The following QSOX1 variants were observed in gnomAD, a reference collection of about 807,000 sequenced individuals.
QSOX1 encodes the protein sulfhydryl oxidase 1.
Under a neutral mutation model 76.1 loss-of-function variants are expected in QSOX1, and 40 were observed. The ratio of observed to expected loss-of-function variants is 0.53; its 90% CI spans 0.41 to 0.68. The LOEUF is 0.68. Ranked by LOEUF, QSOX1 falls within the 30% of genes least tolerant of loss-of-function variation. The pLI is 0.00. For missense variants in QSOX1, 931 were observed against 974.3 expected, an observed-to-expected ratio of 0.96 and a Z score of 0.59; for synonymous variants, 392 against 413.1, an observed-to-expected ratio of 0.95 and a Z score of 0.62.
chr1:180,180,415 G>A (rs1394197778), intron 5 of QSOX1, among the ~76,000 whole-genome samples: 1 of 152,192 alleles, frequency 6.6e-6, no homozygotes, highest in African/African-American at 2.4e-5. Flanking sequence ...TCACCATTTT[G>A]GTCAGGCTGG....
intron 6 of QSOX1, among the ~76,000 whole-genome samples, chr1:180,182,708 A>G (rs1663071660): frequency 6.6e-6 from 1 of 152,182 alleles, no homozygotes; most frequent in African/African-American, 2.4e-5. Flanking sequence ...TTCTAATTGC[A>G]GAAAAGTTCA....
intron 4 of QSOX1, among the ~76,000 whole-genome samples, chr1:180,176,859 C>T (rs920721158): frequency 2.0e-5 from 3 of 152,198 alleles, no homozygotes; most frequent in South Asian, 2.1e-4. Context: ...GCTGTTGGTG[C>T]GCAGAGGCTC....
At chr1:180,165,421 A>G (rs1488850429) in intron 1 of QSOX1, among the ~76,000 whole-genome samples, 1 of 152,122 alleles carries the variant, frequency 6.6e-6, no homozygotes, top group African/African-American at 2.4e-5. Flanking sequence ...GCTCCCTTCT[A>G]TTCTGGCTCC....
Position 180,190,419 on chromosome 1 carries a change from C to T in QSOX1, c.1141-14C>T. 3.7e-6 allele frequency: 6 copies of T among 1,609,852 alleles called. No homozygotes were observed. Among genetic ancestry groups the T allele is most frequent in the Admixed American group, 1.7e-5 (1 of 60,020 alleles). On this transcript the variant is annotated splice_polypyrimidine_tract_variant and intron_variant, in intron 9 of 11. Transcript: ENST00000367602. ...CCTTCTCCATATGTGCACTCACACTCATGTGTCCCTCAGGGTGCCGTTCTT... is the reference window on the plus strand; with the variant it reads ...CCTTCTCCATATGTGCACTCACACTTATGTGTCCCTCAGGGTGCCGTTCTT...
At chr1:180,176,164 A>G in intron 4 of QSOX1, 131 bp downstream of exon 4, 1 of 712,016 alleles carries the variant, frequency 1.4e-6, no homozygotes, top group South Asian at 1.8e-5. Context: ...TGGGGCTCAC[A>G]CACCAGTCTG....
chr1:180,169,395 C>T (rs1572041531), intron 2 of QSOX1, among the ~76,000 whole-genome samples: 3 of 152,202 alleles, frequency 2.0e-5, no homozygotes, highest in Non-Finnish European at 2.9e-5. Context: ...CTTCTCTCTT[C>T]GAGGCTCTGA....
Position 180,197,390 on chromosome 1 carries a change from G to A in QSOX1, c.*353G>A, listed in dbSNP as rs1663525094. The A allele has an allele frequency of 6.2e-7, 1 of 1,613,406 alleles. No homozygotes were observed. The highest frequency in any genetic ancestry group is 1.3e-5 in the African/African-American group (1 of 75,012). The stretch of plus-strand genomic sequence containing the variant: ...GCCTCAGTCTCTCCTGCTTGGTCTT[G>A]GCCCTCAACTGGGGCAAGTGAAGCC... On this transcript the variant is annotated 3_prime_UTR_variant, in exon 12 of 12. Coordinates refer to ENST00000367602, the MANE Select transcript of QSOX1 (RefSeq NM_002826.5).
chr1:180,166,404 AG>A, intron 1 of QSOX1, 86 bp from the exon 2 acceptor site: 1 of 1,042,030 alleles, frequency 9.6e-7, no homozygotes, highest in South Asian at 1.3e-5. Flanking sequence ...TGAGGTTGGC[AG>A]GGGTGAGGCA....
At position 180,190,532 on chromosome 1, in the gene QSOX1, T is replaced by C. The variant is rs762247698; in HGVS notation, c.1240T>C (p.Leu414=). Reference sequence around the variant, plus strand: ...CTCCCTGTGGGTCCTCTTCCACTTCTTGACTGTGCAGGCAGCTCGGCAAAA... The same window carrying C: ...CTCCCTGTGGGTCCTCTTCCACTTCCTGACTGTGCAGGCAGCTCGGCAAAA... ...PCSLWVLFHF[L]TVQAARQNVD... is the part of the protein sequence containing the mutation. The change falls in exon 10 of 12, where the codon TTG becomes CTG. Residue 414 remains leucine, a synonymous_variant. Coordinates refer to ENST00000367602, the MANE Select transcript of QSOX1 (RefSeq NM_002826.5). 11 of 1,614,104 alleles carry C rather than the reference T, an allele frequency of 6.8e-6. No individual in the cohort carries two copies. The highest frequency in any genetic ancestry group is 9.3e-6 in the Non-Finnish European group (11 of 1,180,032).
chr1:180,156,589 T>C (rs1344306881), intron 1 of QSOX1, among the ~76,000 whole-genome samples: 1 of 152,348 alleles, frequency 6.6e-6, no homozygotes, highest in South Asian at 2.1e-4. Flanking sequence ...TGTACATCTT[T>C]TAGCCATATG....
chr1:180,188,751 T>A (rs1388402614), intron 8 of QSOX1, among the ~76,000 whole-genome samples: 1 of 152,246 alleles, frequency 6.6e-6, no homozygotes, highest in Non-Finnish European at 1.5e-5. Flanking sequence ...CTTTCTTTGC[T>A]GTGATTTTCT....
Position 180,199,223 on chromosome 1 carries a change from A to G in QSOX1, c.*2186A>G, listed in dbSNP as rs1033040146. The G allele has an allele frequency of 5.9e-5, 9 of 152,226 alleles. No individual in the cohort carries two copies. The highest frequency in any genetic ancestry group is 1.3e-4 in the Non-Finnish European group (9 of 68,070). 9.4% of individuals were successfully genotyped at this position (152,226 alleles called of 1,614,324 possible). The stretch of plus-strand genomic sequence containing the variant: ...CCTTGATTTCCCCAGGGCTCTCGGC[A>G]ACATCGATAAACCAGCCTCGCCCAC... On this transcript the variant is annotated 3_prime_UTR_variant, in exon 12 of 12. Transcript: ENST00000367602.
At chr1:180,161,716 C>T (rs1185586792) in intron 1 of QSOX1, among the ~76,000 whole-genome samples, 1 of 152,158 alleles carries the variant, frequency 6.6e-6, no homozygotes, top group East Asian at 1.9e-4. Flanking sequence ...AAAGAACCAG[C>T]AACGTTTCAA....
chr1:180,175,464 G>T (rs1384898378), intron 3 of QSOX1, 98 bp downstream of exon 3: 5 of 1,335,580 alleles, frequency 3.7e-6, no homozygotes, highest in Non-Finnish European at 5.4e-6. Flanking sequence ...CTGGCAGTCG[G>T]CAGGGTCGAG....
chr1:180,186,023 T>C, intron 7 of QSOX1, 30 bp from the exon 8 acceptor site: 2 of 1,611,626 alleles, frequency 1.2e-6, no homozygotes, highest in Non-Finnish European at 1.7e-6. Context: ...TAATACTTCT[T>C]TCTCTCTCTA....
intron 5 of QSOX1, among the ~76,000 whole-genome samples, chr1:180,180,376 A>C (rs1453706728): frequency 1.3e-5 from 2 of 151,804 alleles, no homozygotes; most frequent in African/African-American, 4.8e-5. Context: ...ATGCCTGGCT[A>C]ATTTTGTATT....
In QSOX1 at chr1:180,199,414, G is replaced by A. The variant is rs550494150; in HGVS notation, c.*2377G>A. The A allele has an allele frequency of 8.5e-5, 13 of 152,186 alleles. No homozygotes were observed. Among genetic ancestry groups the A allele is most frequent in the East Asian group, 3.9e-4 (2 of 5,124 alleles). The allele number at this position is 152,186 out of a possible 1,614,324, so 9.4% of individuals were successfully genotyped here. On this transcript the variant is annotated 3_prime_UTR_variant, in exon 12 of 12. Transcript: ENST00000367602. ...TGTCTGGGGCGGGATAGAGAATCTC[G>A]CCTCTGTCTGGTGTGTTACCTACTG...
chr1:180,160,815 G>A (rs561805331), intron 1 of QSOX1, among the ~76,000 whole-genome samples: 1 of 152,306 alleles, frequency 6.6e-6, no homozygotes, highest in South Asian at 2.1e-4. Flanking sequence ...CATGAGACTT[G>A]TCCCTTGAAA....
intron 10 of QSOX1, among the ~76,000 whole-genome samples, chr1:180,192,140 G>A (rs927122788): frequency 6.6e-6 from 1 of 152,174 alleles, no homozygotes; most frequent in African/African-American, 2.4e-5. Flanking sequence ...CTTCAACATA[G>A]GAATTTGGGG....
Sources: gnomAD v4.1 joint callset for allele counts (sites outside exome capture counted in the v4.1 genomes callset) on GRCh38, gnomAD v4.1.1 for gene constraint, MANE v1.5 for transcripts, NCBI Gene and HGNC (gene_info 2026-07-23, HGNC 2026-07-21) for gene names.